Variants in KSR2 observed in about 807,000 individuals in gnomAD.
KSR2 encodes kinase suppressor of ras 2.
In KSR2, 25 loss-of-function variants were observed where a neutral mutation model predicts 107.8. That is an observed-to-expected ratio of 0.23 (90% CI 0.17 to 0.32). The LOEUF (loss-of-function observed/expected upper bound fraction) is 0.32. KSR2 is among the 10% of genes least tolerant of loss of function. The pLI, the probability that KSR2 is intolerant of heterozygous loss-of-function variation, is 1.00. For synonymous variants in KSR2, 480 were observed against 507.0 expected, an observed-to-expected ratio of 0.95 and a Z score of 0.71; for missense variants, 887 against 1,268.9, an observed-to-expected ratio of 0.70 and a Z score of 4.57.
At chr12:117,812,401 T>A (rs1306185517) in intron 3 of KSR2, among the ~76,000 whole-genome samples, 1 of 152,216 alleles carries the variant, frequency 6.6e-6, no homozygotes, top group East Asian at 1.9e-4. Flanking sequence ...ATGTAGCTAC[T>A]AGAAAAATGT....
chr12:117,904,732 C>A (rs11068729), intron 1 of KSR2, among the ~76,000 whole-genome samples: 20,057 of 152,074 alleles, frequency 0.13, 1,522 homozygotes, highest in East Asian at 0.29. Context: ...GACCACAGAG[C>A]TGATAAGTGG....
chr12:117,563,848 C>T (rs1449055684), intron 7 of KSR2, among the ~76,000 whole-genome samples: 4 of 152,174 alleles, frequency 2.6e-5, no homozygotes, highest in Non-Finnish European at 5.9e-5. Context: ...CCCCAAGCAC[C>T]TGCTCTTTGA....
chr12:117,914,753 C>T (rs1025598162), intron 1 of KSR2, among the ~76,000 whole-genome samples: 1 of 152,172 alleles, frequency 6.6e-6, no homozygotes, highest in Non-Finnish European at 1.5e-5. Context: ...CCAGGCTGGT[C>T]TTGGACTCCT....
intron 16 of KSR2, among the ~76,000 whole-genome samples, chr12:117,483,820 A>G (rs1872308992): frequency 6.6e-6 from 1 of 152,198 alleles, no homozygotes; most frequent in Non-Finnish European, 1.5e-5. Flanking sequence ...TTTGAGGTGC[A>G]TTGGGCACTG....
intron 1 of KSR2, among the ~76,000 whole-genome samples, chr12:117,871,417 C>T (rs1246099487): frequency 1.3e-5 from 2 of 152,006 alleles, no homozygotes; most frequent in East Asian, 1.9e-4. Context: ...GGTGAAACCC[C>T]GTCACTACTA....
chr12:117,686,036 G>A (rs1885559301), intron 4 of KSR2, among the ~76,000 whole-genome samples: 2 of 140,554 alleles, frequency 1.4e-5, no homozygotes, highest in Admixed American at 1.5e-4. Context: ...AGAGGCATCA[G>A]CTCATTTTAT....
At chr12:117,566,405 C>A (rs1041672486) in intron 7 of KSR2, among the ~76,000 whole-genome samples, 22 of 152,204 alleles carry the variant, frequency 1.4e-4, no homozygotes, top group African/African-American at 5.1e-4. Flanking sequence ...CAGGCGTGAG[C>A]CACTGCGCCT....
At chr12:117,532,092 C>A (rs1252843434) in intron 10 of KSR2, among the ~76,000 whole-genome samples, 1 of 152,134 alleles carries the variant, frequency 6.6e-6, no homozygotes, top group African/African-American at 2.4e-5. Context: ...TTAAAAAATC[C>A]TTTGTGCTTT....
At chr12:117,495,851 C>G (rs571716997) in intron 14 of KSR2, among the ~76,000 whole-genome samples, 17 of 152,070 alleles carry the variant, frequency 1.1e-4, no homozygotes, top group Non-Finnish European at 2.1e-4. Flanking sequence ...GTCAAGAGAT[C>G]GAGACCATCC....
chr12:117,546,634 A>AC (rs1459922132), intron 9 of KSR2, among the ~76,000 whole-genome samples: 1 of 152,136 alleles, frequency 6.6e-6, no homozygotes, highest in Non-Finnish European at 1.5e-5. Flanking sequence ...TATAATCCCC[A>AC]AGGGTCCTTG....
At chr12:117,736,771 C>A (rs1887956811) in intron 4 of KSR2, among the ~76,000 whole-genome samples, 2 of 150,848 alleles carry the variant, frequency 1.3e-5, no homozygotes, top group Admixed American at 1.3e-4. Flanking sequence ...CAAGATTGTG[C>A]CACTGCACTC....
At chr12:117,593,756 G>A (rs922408764) in intron 5 of KSR2, among the ~76,000 whole-genome samples, 10 of 152,220 alleles carry the variant, frequency 6.6e-5, no homozygotes, top group East Asian at 3.9e-4. Context: ...ATTAAGAGGC[G>A]GATGGCCCCT....
chr12:117,766,258 T>G (rs1889222093), intron 3 of KSR2, among the ~76,000 whole-genome samples: 1 of 152,200 alleles, frequency 6.6e-6, no homozygotes, highest in Non-Finnish European at 1.5e-5. Context: ...GGATCCACCT[T>G]GAAAAACACT....
At chr12:117,569,570 A>G (rs1190690045) in intron 7 of KSR2, among the ~76,000 whole-genome samples, 1 of 152,198 alleles carries the variant, frequency 6.6e-6, no homozygotes, top group Non-Finnish European at 1.5e-5. Context: ...AGAAGTGGGC[A>G]GTAACCTCAA....
At chr12:117,508,927 G>GGGGTGGATGGGATGGAT (rs1873865635) in intron 14 of KSR2, among the ~76,000 whole-genome samples, 1 of 151,716 alleles carries the variant, frequency 6.6e-6, no homozygotes, top group Non-Finnish European at 1.5e-5. Context: ...GTGGGTGGAT[G>GGGGTGGATGGGATGGAT]GGGTGGATGG....
intron 4 of KSR2, among the ~76,000 whole-genome samples, chr12:117,696,465 C>T (rs1374121414): frequency 6.6e-6 from 1 of 151,950 alleles, no homozygotes; most frequent in Non-Finnish European, 1.5e-5. Flanking sequence ...TTTCACTGCA[C>T]CTTAGATTTC....
intron 1 of KSR2, among the ~76,000 whole-genome samples, chr12:117,910,893 A>G (rs544237064): frequency 1.3e-5 from 2 of 152,298 alleles, no homozygotes; most frequent in South Asian, 4.1e-4. Flanking sequence ...CACAAAGACC[A>G]CAGTTCGGTG....
chr12:117,811,279 C>G (rs970485447), intron 3 of KSR2, among the ~76,000 whole-genome samples: 4 of 152,296 alleles, frequency 2.6e-5, no homozygotes, highest in African/African-American at 9.6e-5. Flanking sequence ...TGACTATACC[C>G]CTCCCCACTT....
At position 117,868,190 on chromosome 12, in the gene KSR2, G is replaced by A. The variant is rs372921045; in HGVS notation, c.181-7759C>T. Among the ~76,000 whole-genome samples, 61 of 152,300 alleles carry A rather than the reference G, an allele frequency of 4.0e-4. No homozygotes were observed. The East Asian group carries it at 8.5e-3, about 21-fold the overall frequency. Reference sequence around the variant, plus strand: ...TGCCTGTAATCCCAGCACTTTGGGAGGCCAAGGTGGGTGGATCACCTGAGG... The same window carrying A: ...TGCCTGTAATCCCAGCACTTTGGGAAGCCAAGGTGGGTGGATCACCTGAGG... On this transcript the variant is annotated intron_variant, in intron 1 of 19. Coordinates refer to ENST00000339824, the MANE Select transcript of KSR2 (RefSeq NM_173598.6).
Sources: allele counts gnomAD v4.1 joint callset (sites outside exome capture counted in the v4.1 genomes callset), GRCh38; gene constraint gnomAD v4.1.1; transcripts MANE v1.5; gene names NCBI Gene and HGNC (gene_info 2026-07-23, HGNC 2026-07-21).